The following PTGER3 variants were observed in gnomAD, a reference collection of about 807,000 sequenced individuals.
PTGER3 encodes the protein prostaglandin E2 receptor EP3 subtype.
A neutral mutation model predicts 34.7 loss-of-function variants in PTGER3; 22 were observed. The ratio of observed to expected loss-of-function variants is 0.63; its 90% confidence interval spans 0.45 to 0.91. The LOEUF is 0.91. Ranked by LOEUF, PTGER3 falls within the 40% of genes least tolerant of loss-of-function variation. The pLI is 0.00. For synonymous variants in PTGER3, 241 were observed against 230.1 expected, an observed-to-expected ratio of 1.05 and a Z score of -0.43; for missense variants, 468 against 519.4, an observed-to-expected ratio of 0.90 and a Z score of 0.96.
intron 4 of PTGER3, among the ~76,000 whole-genome samples, chr1:70,858,201 CTTTT>C (rs35355255): frequency 3.7e-5 from 5 of 134,130 alleles, no homozygotes; most frequent in South Asian, 2.3e-4. Flanking sequence ...AACACAGATT[CTTTT>C]TTTTTTTTTT....
At chr1:70,877,391 G>T (rs375134131) in intron 4 of PTGER3, among the ~76,000 whole-genome samples, 1 of 152,018 alleles carries the variant, frequency 6.6e-6, no homozygotes, top group African/African-American at 2.4e-5. Flanking sequence ...GAATCATATC[G>T]TCTACAAACT....
intron 4 of PTGER3, among the ~76,000 whole-genome samples, chr1:70,925,451 T>C (rs1211831804): frequency 2.0e-5 from 3 of 152,188 alleles, no homozygotes; most frequent in Admixed American, 1.3e-4. Flanking sequence ...CATACAAGTG[T>C]AACAAGATGA....
intron 4 of PTGER3, among the ~76,000 whole-genome samples, chr1:70,930,858 G>A (rs1274962076): frequency 2.0e-5 from 3 of 151,942 alleles, no homozygotes; most frequent in Non-Finnish European, 4.4e-5. Context: ...TCCTCCCCTG[G>A]CCCCTCCAAA....
chr1:70,881,386 C>T (rs1325710800), intron 4 of PTGER3, among the ~76,000 whole-genome samples: 1 of 152,106 alleles, frequency 6.6e-6, no homozygotes, highest in South Asian at 2.1e-4. Context: ...CATTTCTATC[C>T]GTATTCTGAA....
intron 2 of PTGER3, among the ~76,000 whole-genome samples, chr1:70,993,163 G>A (rs953357689): frequency 6.6e-6 from 1 of 152,104 alleles, no homozygotes; most frequent in Admixed American, 6.6e-5. Context: ...TCTGCATAGT[G>A]GAACACATTC....
At chr1:70,871,271 G>T (rs1046884386) in intron 4 of PTGER3, among the ~76,000 whole-genome samples, 6 of 152,048 alleles carry the variant, frequency 3.9e-5, no homozygotes, top group African/African-American at 7.2e-5. Flanking sequence ...TAGGGGGTGG[G>T]TAGGTGCCAC....
intron 1 of PTGER3, among the ~76,000 whole-genome samples, chr1:71,032,102 A>G (rs1659458076): frequency 1.3e-5 from 2 of 152,226 alleles, no homozygotes; most frequent in Non-Finnish European, 2.9e-5. Flanking sequence ...GCTGGTTGCC[A>G]GAATAACATA....
chr1:71,027,519 T>A lies in PTGER3; in HGVS notation c.898-15035A>T, dbSNP rs114328537. 2.1e-3 allele frequency among the ~76,000 whole-genome samples: 319 copies of A among 152,332 alleles called. 3 individuals carry two copies. Among genetic ancestry groups the A allele is most frequent in the African/African-American group, 7.3e-3 (305 of 41,572 alleles). ...TTTTGCAGGAATTGGCAAATAGATC[T>A]ATTGAGACTTGGAACTATCCGGTTC... On this transcript the variant is annotated intron_variant, in intron 1 of 3. Transcript: ENST00000306666.
In PTGER3 at chr1:70,945,023, G is replaced by C. The variant is rs115400907; in HGVS notation, c.*23+8740C>G. 7.2e-3 allele frequency among the ~76,000 whole-genome samples: 1,102 copies of C among 152,216 alleles called. 14 individuals carry two copies. The highest frequency in any genetic ancestry group is 0.025 in the African/African-American group (1,058 of 41,558). On this transcript the variant is annotated intron_variant, in intron 4 of 4. Coordinates refer to the PTGER3 transcript ENST00000370931. ...TCCAAGTCTCCAGATTGTTTCTACT[G>C]TAATCTGTTGGGGAGCTTAAATAAC...
At chr1:70,989,329 GTTA>G in intron 2 of PTGER3, among the ~76,000 whole-genome samples, 1 of 152,274 alleles carries the variant, frequency 6.6e-6, no homozygotes, top group South Asian at 2.1e-4. Context: ...ATGTCAAAGT[GTTA>G]TTGTTGTTAC....
chr1:70,883,581 C>T (rs1183832835), intron 4 of PTGER3, among the ~76,000 whole-genome samples: 1 of 152,082 alleles, frequency 6.6e-6, no homozygotes, highest in Admixed American at 6.6e-5. Flanking sequence ...AATTACAAGC[C>T]TAAAGCAATT....
chr1:70,921,120 T>G (rs1311324856), intron 4 of PTGER3, among the ~76,000 whole-genome samples: 1 of 152,128 alleles, frequency 6.6e-6, no homozygotes, highest in Non-Finnish European at 1.5e-5. Flanking sequence ...AAAGAGCAAC[T>G]TTGCTAAGAA....
intron 2 of PTGER3, chr1:71,009,849 T>C (rs1038676383): frequency 1.0e-6 from 1 of 985,068 alleles, no homozygotes; most frequent in African/African-American, 1.7e-5. Flanking sequence ...TGTGACTACA[T>C]ATATCCTCTT....
At chr1:70,993,202 A>G (rs546142185) in intron 2 of PTGER3, among the ~76,000 whole-genome samples, 1 of 152,292 alleles carries the variant, frequency 6.6e-6, no homozygotes, top group South Asian at 2.1e-4. Context: ...TTTCAGTATT[A>G]CTGTCCTACG....
At chr1:70,974,258 A>G (rs1407314217) in intron 3 of PTGER3, 39 bp downstream of exon 3, 1 of 1,609,064 alleles carries the variant, frequency 6.2e-7, no homozygotes, top group Admixed American at 1.7e-5. Context: ...GAGACGGGGG[A>G]AGGCTATGCT....
At chr1:70,973,213 TAGATAGATGATA>T (rs765778706) in intron 3 of PTGER3, among the ~76,000 whole-genome samples, 46 of 130,710 alleles carry the variant, frequency 3.5e-4, no homozygotes, top group Middle Eastern at 3.6e-3. Context: ...GATAGATAGA[TAGATAGATGATA>T]GATAGATAGA....
intron 2 of PTGER3, chr1:70,953,931 A>T (rs971073948): frequency 8.4e-6 from 4 of 478,264 alleles, no homozygotes; most frequent in African/African-American, 6.2e-5. Context: ...GTATAGCAAA[A>T]GATAAACAAC....
At chr1:70,952,402 C>T (rs1236853839), downstream of PTGER3, 1 of 983,340 alleles carries the variant, frequency 1.0e-6, no homozygotes, top group African/African-American at 1.8e-5. Flanking sequence ...TTTATAGAGT[C>T]CTAAAAGTGG....
At chr1:70,991,506 A>G (rs756062807) in intron 2 of PTGER3, among the ~76,000 whole-genome samples, 7 of 152,094 alleles carry the variant, frequency 4.6e-5, no homozygotes, top group Non-Finnish European at 1.0e-4. Flanking sequence ...GTTTCTAGGG[A>G]GTGAGCACAA....
Sources: allele counts gnomAD v4.1 joint callset (sites outside exome capture counted in the v4.1 genomes callset), GRCh38; gene constraint gnomAD v4.1.1; transcripts MANE v1.5; gene names NCBI Gene and HGNC (gene_info 2026-07-23, HGNC 2026-07-21).